Variants in RP1 observed in about 807,000 individuals in gnomAD.
RP1 encodes the protein oxygen-regulated protein 1.
RP1 carries 16 observed loss-of-function variants against 14.8 expected under a neutral mutation model. The observed-to-expected ratio is 1.08, with a 90% CI of 0.73 to 1.65. RP1 has a LOEUF of 1.65. Among genes scored for constraint, RP1 ranks in the 40% most tolerant of loss-of-function variants. The pLI is 0.00. For synonymous variants in RP1, 876 were observed against 883.6 expected (o/e 0.99, Z 0.15); for missense variants, 2,631 against 2,535.0 (o/e 1.04, Z -0.81).
intron 5 of RP1, chr8:54,653,005 A>T: frequency 1.8e-6 from 1 of 564,356 alleles, no homozygotes; most frequent in Middle Eastern, 2.7e-4. Context: ...CAGAAGTATC[A>T]TATGCCCTTA....
At chr8:54,580,823 T>G (rs1389871847) in intron 1 of RP1, among the ~76,000 whole-genome samples, 1 of 151,946 alleles carries the variant, frequency 6.6e-6, no homozygotes, top group Non-Finnish European at 1.5e-5. Context: ...TTCTCCATAT[T>G]GGCCAGGCTG....
chr8:54,616,815 CTG>C (rs1805728834), intron 1 of RP1, among the ~76,000 whole-genome samples: 1 of 152,174 alleles, frequency 6.6e-6, no homozygotes, highest in Admixed American at 6.5e-5. Context: ...GCATGTAACT[CTG>C]TCATGTTTTG....
intron 24 of RP1, among the ~76,000 whole-genome samples, chr8:54,828,328 G>A (rs1391412812): frequency 6.6e-6 from 1 of 152,192 alleles, no homozygotes; most frequent in African/African-American, 2.4e-5. Context: ...CCTGTGAGAG[G>A]TCTTTGGGTC....
Position 54,620,964 on chromosome 8 carries a change from A to C in RP1, c.-3A>C, listed in dbSNP as rs1805842776. The C allele has an allele frequency of 6.2e-7, 1 of 1,614,080 alleles. No individual in the cohort carries two copies. Among genetic ancestry groups the C allele is most frequent in the Admixed American group, 1.7e-5 (1 of 60,004 alleles). ...TTTCTTTCTTCTCTAGGTCTCAGCC[A>C]AAATGAGTGATACCCCTTCTACTGG... is the stretch of plus-strand genomic sequence containing the variant. On this transcript the variant is annotated 5_prime_UTR_variant, in exon 2 of 4. Transcript: ENST00000220676.
chr8:54,710,820 A>G (rs1808278439), intron 15 of RP1, among the ~76,000 whole-genome samples: 1 of 152,144 alleles, frequency 6.6e-6, no homozygotes, highest in Admixed American at 6.5e-5. Context: ...CTTTATAGGC[A>G]CAGGATGGGG....
At chr8:54,780,603 AC>A (rs2129379502) in intron 23 of RP1, among the ~76,000 whole-genome samples, 1 of 152,320 alleles carries the variant, frequency 6.6e-6, no homozygotes, top group South Asian at 2.1e-4. Flanking sequence ...ACACGTACAG[AC>A]TTTTTTCTTG....
chr8:54,645,979 C>T (rs1806541962), intron 3 of RP1, among the ~76,000 whole-genome samples: 1 of 152,004 alleles, frequency 6.6e-6, no homozygotes, highest in African/African-American at 2.4e-5. Flanking sequence ...GCTGTTTGTC[C>T]ACCACCCGCA....
chr8:54,845,204 C>A (rs553025722), intron 25 of RP1, among the ~76,000 whole-genome samples: 27 of 152,244 alleles, frequency 1.8e-4, no homozygotes, highest in Admixed American at 3.9e-4. Context: ...CGGGGAGGAG[C>A]ACTTTGGGGC....
chr8:54,858,417 G>C (rs1488671895), intron 27 of RP1, among the ~76,000 whole-genome samples: 2 of 152,140 alleles, frequency 1.3e-5, no homozygotes, highest in Non-Finnish European at 2.9e-5. Context: ...CCACTGTAGA[G>C]TGATGTTACT....
intron 1 of RP1, among the ~76,000 whole-genome samples, chr8:54,580,195 T>G (rs1388445978): frequency 6.6e-6 from 1 of 152,120 alleles, no homozygotes; most frequent in Non-Finnish European, 1.5e-5. Context: ...TATAAAGCAC[T>G]TGGTGTAATG....
chr8:54,635,265 A>G (rs960985757), downstream of RP1, among the ~76,000 whole-genome samples: 2 of 152,186 alleles, frequency 1.3e-5, no homozygotes, highest in Admixed American at 1.3e-4. Context: ...ACAAAGGTCA[A>G]TGGAGTAGAA....
chr8:54,751,990 C>T (rs188490093), intron 19 of RP1, among the ~76,000 whole-genome samples: 19 of 152,230 alleles, frequency 1.2e-4, no homozygotes, highest in African/African-American at 3.6e-4. Flanking sequence ...CCTCAGAAAC[C>T]AGAGGCTTCT....
chr8:54,603,059 A>G (rs1365636522), intron 1 of RP1, among the ~76,000 whole-genome samples: 1 of 151,946 alleles, frequency 6.6e-6, no homozygotes, highest in Non-Finnish European at 1.5e-5. Flanking sequence ...CCATTTGTCA[A>G]TTTTTGTTTT....
In RP1 at chr8:54,833,084, C is replaced by A. The variant is rs1311599470; in HGVS notation, c.3616-4366C>A. ...GCATGTGAATAGTGTAGTCATTGGT[C>A]TAGGATTTGACTGGCATTTACATGC... On this transcript the variant is annotated intron_variant, in intron 24 of 28. Coordinates refer to the RP1 transcript ENST00000637698. 2.0e-5 allele frequency among the ~76,000 whole-genome samples: 3 copies of A among 151,972 alleles called. No homozygotes were observed. In the East Asian group the frequency reaches 5.8e-4, roughly 29 times the overall value.
At chr8:54,849,280 G>A (rs1209738818) in intron 25 of RP1, among the ~76,000 whole-genome samples, 2 of 151,618 alleles carry the variant, frequency 1.3e-5, no homozygotes, top group Admixed American at 1.3e-4. Context: ...GTTTTTTACT[G>A]GTTCAACAAC....
chr8:54,661,265 A>G (rs898855805), intron 6 of RP1, among the ~76,000 whole-genome samples: 11 of 142,122 alleles, frequency 7.7e-5, no homozygotes, highest in Non-Finnish European at 1.5e-4. Context: ...TAAATGATAT[A>G]TATAAATGAT....
At chr8:54,660,653 T>C (rs1248577245) in intron 6 of RP1, among the ~76,000 whole-genome samples, 2 of 152,162 alleles carry the variant, frequency 1.3e-5, no homozygotes, top group Middle Eastern at 3.4e-3. Flanking sequence ...AGGAACCTCT[T>C]AGGTGGTTTC....
At chr8:54,592,075 G>T (rs1805053290) in intron 1 of RP1, among the ~76,000 whole-genome samples, 1 of 152,196 alleles carries the variant, frequency 6.6e-6, no homozygotes, top group Non-Finnish European at 1.5e-5. Context: ...GGGGAGAGAA[G>T]AATTGTAATC....
chr8:54,606,113 AG>A (rs1805435167), intron 1 of RP1, among the ~76,000 whole-genome samples: 1 of 152,166 alleles, frequency 6.6e-6, no homozygotes, highest in Non-Finnish European at 1.5e-5. Context: ...TTTGCTCATT[AG>A]TTGATGCAGT....
Sources: gnomAD v4.1 joint callset for allele counts (sites outside exome capture counted in the v4.1 genomes callset) on GRCh38, gnomAD v4.1.1 for gene constraint, MANE v1.5 for transcripts, NCBI Gene and HGNC (gene_info 2026-07-23, HGNC 2026-07-21) for gene names.